The following RPL11 variants were observed in gnomAD, a reference collection of about 807,000 sequenced individuals.
RPL11 encodes the protein ribosomal protein L11.
Under a neutral mutation model 24.1 loss-of-function variants are expected in RPL11, and 3 were observed. The observed-to-expected ratio is 0.12, with a 90% CI of 0.06 to 0.32. RPL11 has a LOEUF of 0.32. RPL11 is among the 10% of genes least tolerant of loss of function. The probability of loss-of-function intolerance (pLI) is 1.00; values close to 1 mark genes in which losing one functional copy is unlikely to be tolerated. For synonymous variants in RPL11, 96 were observed against 75.7 expected (o/e 1.27, Z -1.39); for missense variants, 146 against 225.7 (o/e 0.65, Z 2.26).
intron 3 of RPL11, 142 bp from the exon 4 acceptor site, chr1:23,694,518 G>C: frequency 9.2e-7 from 1 of 1,088,650 alleles, no homozygotes; most frequent in Non-Finnish European, 1.4e-6. Flanking sequence ...TAGTGAGGAA[G>C]TCAGGTTGTG....
intron 3 of RPL11, among the ~76,000 whole-genome samples, chr1:23,694,380 A>G (rs1320721620): frequency 6.8e-6 from 1 of 147,320 alleles, no homozygotes; most frequent in East Asian, 1.9e-4. Flanking sequence ...TCTTGTCTCA[A>G]AAAAAAAAAA....
intron 4 of RPL11, chr1:23,695,021 G>C (rs1364268427): frequency 9.9e-6 from 6 of 606,940 alleles, no homozygotes; most frequent in Non-Finnish European, 1.8e-5. Flanking sequence ...TCGAGGATCT[G>C]TAAAGCACCC....
At chr1:23,692,334 C>T in intron 1 of RPL11, 3 of 465,628 alleles carry the variant, frequency 6.4e-6, no homozygotes, top group Middle Eastern at 6.3e-4. Flanking sequence ...CTCTTTGTTA[C>T]CCTGAGCCTC....
At chr1:23,695,047 G>A (rs1286949007) in intron 4 of RPL11, 2 of 522,584 alleles carry the variant, frequency 3.8e-6, no homozygotes, top group East Asian at 3.6e-5. Context: ...GCTTAAAGGT[G>A]GATGAAGGAA....
chr1:23,692,173 T>C (rs1410430040), intron 1 of RPL11: 2 of 487,712 alleles, frequency 4.1e-6, no homozygotes, highest in Non-Finnish European at 7.4e-6. Context: ...TAGGAAACCT[T>C]AGTCGGTTGC....
chr1:23,696,063 G>A (rs1235001829), intron 5 of RPL11, 155 bp downstream of exon 5: 1 of 827,436 alleles, frequency 1.2e-6, no homozygotes, highest in Non-Finnish European at 2.0e-6. Flanking sequence ...CAGGGATGAT[G>A]GTTTAAAAGA....
rs1228935361 is a variant in RPL11 at position 23,696,500 on chromosome 1, G to T, written c.*127G>T. On this transcript the variant is annotated 3_prime_UTR_variant, in exon 6 of 6. Transcript: ENST00000643754. ...ACCTCAAGCCACTTAAAGCTTCGAT[G>T]GGAGTAGCTGGTAACAACCCCGTCA... The T allele has an allele frequency of 5.7e-6, 5 of 876,854 alleles. No homozygotes were observed. The highest frequency in any genetic ancestry group is 1.9e-5 in the Admixed American group (1 of 51,292). 54.3% of individuals were successfully genotyped at this position (876,854 alleles called of 1,614,324 possible).
At chr1:23,696,251 TATCA>T in intron 5 of RPL11, 89 bp from the exon 6 acceptor site, 1 of 1,209,304 alleles carries the variant, frequency 8.3e-7, no homozygotes, top group Non-Finnish European at 1.2e-6. Context: ...CAAGTTCATG[TATCA>T]ATCAGATGTG....
At chr1:23,692,838 GTT>G in intron 2 of RPL11, 79 bp downstream of exon 2, 1 of 1,568,438 alleles carries the variant, frequency 6.4e-7, no homozygotes, top group South Asian at 1.1e-5. Context: ...TGTCGAGTCT[GTT>G]TAGAAAGTGA....
Position 23,696,513 on chromosome 1 carries a change from A to T in RPL11, c.*140A>T. The T allele has an allele frequency of 1.3e-6, 1 of 785,116 alleles. No homozygotes were observed. Among genetic ancestry groups the T allele is most frequent in the South Asian group, 1.5e-5 (1 of 68,610 alleles). The allele number at this position is 785,116 out of a possible 1,614,324, so 48.6% of individuals were successfully genotyped here. ...TAAAGCTTCGATGGGAGTAGCTGGTAACAACCCCGTCATCCTCTGATTGGA... is the reference window on the plus strand; with the variant it reads ...TAAAGCTTCGATGGGAGTAGCTGGTTACAACCCCGTCATCCTCTGATTGGA... On this transcript the variant is annotated 3_prime_UTR_variant, in exon 6 of 6. Transcript: ENST00000643754.
chr1:23,693,774 G>T, intron 2 of RPL11, 33 bp from the exon 3 acceptor site: 1 of 1,467,630 alleles, frequency 6.8e-7, no homozygotes, highest in South Asian at 1.1e-5. Flanking sequence ...GGGGTATGAT[G>T]GCATCTGACT....
At position 23,696,483 on chromosome 1, in the gene RPL11, C is replaced by CCACT. The variant is rs1441114169; in HGVS notation, c.*111_*114dup. 1.8e-6 allele frequency: 2 copies of CCACT among 1,085,162 alleles called. No homozygotes were observed. Among genetic ancestry groups the CCACT allele is most frequent in the Non-Finnish European group, 2.8e-6 (2 of 710,646 alleles). 67.2% of individuals were successfully genotyped at this position (1,085,162 alleles called of 1,614,324 possible). ...CATATTCAAGTCCTTGGACCTCAAG[C>CCACT]CACTTAAAGCTTCGATGGGAGTAGC... On this transcript the variant is annotated 3_prime_UTR_variant, in exon 6 of 6. Transcript: ENST00000643754.
intron 3 of RPL11, among the ~76,000 whole-genome samples, chr1:23,694,386 AAAAAG>A (rs1644520822): frequency 6.6e-6 from 1 of 152,078 alleles, no homozygotes. Flanking sequence ...CTCAAAAAAA[AAAAAG>A]AAAAAGGATG....
Position 23,692,670 on chromosome 1 carries a change from A to G in RPL11, c.68A>G (p.Asn23Ser), listed in dbSNP as rs2124429076. The G allele has an allele frequency of 1.2e-6, 2 of 1,614,138 alleles. No individual in the cohort carries two copies. The highest frequency in any genetic ancestry group is 1.7e-6 in the Non-Finnish European group (2 of 1,180,024). ...RELRIRKLCL[N>S]ICVGESGDRL... is the part of the protein sequence containing the mutation. ...CTTCGCATCCGCAAACTCTGTCTCA[A>G]CATCTGTGTTGGGGAGAGTGGAGAC... The change falls in exon 2 of 6, where the codon AAC becomes AGC. Residue 23 changes from asparagine (N) to serine (S), a missense_variant. Physicochemically the swap from Asn to Ser is conservative, Grantham distance 46. Transcript: ENST00000643754.
chr1:23,692,899 T>TA, intron 2 of RPL11, 140 bp downstream of exon 2: 11 of 891,616 alleles, frequency 1.2e-5, no homozygotes, highest in Non-Finnish European at 1.8e-5. Flanking sequence ...CCAAGAGGTG[T>TA]CTTTTTTTTT....
intron 2 of RPL11, 27 bp downstream of exon 2, chr1:23,692,786 T>G (rs1256397943): frequency 6.2e-7 from 1 of 1,612,144 alleles, no homozygotes; most frequent in South Asian, 1.1e-5. Flanking sequence ...ACATACAGGG[T>G]TTGCCTGCTT....
intron 3 of RPL11, 108 bp from the exon 4 acceptor site, chr1:23,694,552 T>C (rs758782745): frequency 2.7e-4 from 404 of 1,484,750 alleles, no homozygotes; most frequent in Non-Finnish European, 3.4e-4. Flanking sequence ...TTCATTGACT[T>C]CTGTTTGCTC....
chr1:23,691,808 C>G lies in RPL11; in HGVS notation c.-16C>G. 6.2e-7 allele frequency: 1 copy of G among 1,614,254 alleles called. No individual in the cohort carries two copies. The highest frequency in any genetic ancestry group is 8.5e-7 in the Non-Finnish European group (1 of 1,180,044). Reference sequence around the variant, plus strand: ...CCCTCGGCCGGAAGCTCCGCTTTCTCTTCCTGCTCTCCATCATGGCGGTGA... The same window carrying G: ...CCCTCGGCCGGAAGCTCCGCTTTCTGTTCCTGCTCTCCATCATGGCGGTGA... On this transcript the variant is annotated 5_prime_UTR_variant, in exon 1 of 6. Transcript: ENST00000643754.
chr1:23,694,564 G>A, intron 3 of RPL11, 96 bp from the exon 4 acceptor site: 3 of 1,535,642 alleles, frequency 2.0e-6, no homozygotes, highest in Non-Finnish European at 2.7e-6. Flanking sequence ...TGTTTGCTCT[G>A]GGGTGCATGT....
Sources: gnomAD v4.1 joint callset for allele counts (sites outside exome capture counted in the v4.1 genomes callset) on GRCh38, gnomAD v4.1.1 for gene constraint, MANE v1.5 for transcripts, NCBI Gene and HGNC (gene_info 2026-07-23, HGNC 2026-07-21) for gene names.